BBS9: variants seen among roughly 807,000 people sequenced by gnomAD.
BBS9 encodes Bardet-Biedl syndrome 9, also known as protein PTHB1.
Under a neutral mutation model 117.7 loss-of-function variants are expected in BBS9, and 89 were observed. That is an observed-to-expected ratio of 0.76 (90% CI 0.64 to 0.90). The LOEUF is 0.90. Ranked by LOEUF, BBS9 falls within the 40% of genes least tolerant of loss-of-function variation. The probability of loss-of-function intolerance (pLI) is 0.00; values close to 1 mark genes in which losing one functional copy is unlikely to be tolerated. For missense variants in BBS9, 982 were observed against 1,042.2 expected, an observed-to-expected ratio of 0.94 and a Z score of 0.80; for synonymous variants, 379 against 370.9, an observed-to-expected ratio of 1.02 and a Z score of -0.25.
intron 20 of BBS9, among the ~76,000 whole-genome samples, chr7:33,530,023 C>A (rs1409617617): frequency 3.3e-5 from 5 of 152,310 alleles, no homozygotes; most frequent in Middle Eastern, 3.4e-3. Context: ...ACTTCTCACA[C>A]CTGAGATTCT....
At chr7:33,296,063 T>C (rs1253062617) in intron 9 of BBS9, among the ~76,000 whole-genome samples, 1 of 152,084 alleles carries the variant, frequency 6.6e-6, no homozygotes, top group Non-Finnish European at 1.5e-5. Context: ...CATGTAAAAA[T>C]TAAACCTACT....
intron 21 of BBS9, among the ~76,000 whole-genome samples, chr7:33,583,048 C>T (rs906124227): frequency 2.0e-5 from 3 of 152,086 alleles, no homozygotes; most frequent in Admixed American, 6.6e-5. Flanking sequence ...CAATTTGACC[C>T]GCATATGTCT....
At chr7:33,476,520 C>G in intron 19 of BBS9, among the ~76,000 whole-genome samples, 1 of 152,202 alleles carries the variant, frequency 6.6e-6, no homozygotes, top group African/African-American at 2.4e-5. Context: ...TCCTTGGCTC[C>G]AACCACCTTT....
chr7:33,227,186 G>T (rs1304467498), intron 5 of BBS9, among the ~76,000 whole-genome samples: 4 of 149,726 alleles, frequency 2.7e-5, no homozygotes, highest in African/African-American at 7.4e-5. Flanking sequence ...TTGAGACACA[G>T]TTTCACTCTG....
At chr7:33,199,100 C>G (rs1156846951) in intron 5 of BBS9, among the ~76,000 whole-genome samples, 1 of 151,904 alleles carries the variant, frequency 6.6e-6, no homozygotes, top group Non-Finnish European at 1.5e-5. Context: ...TGGTTCTTTT[C>G]TTTTTGAAAG....
chr7:33,292,263 T>C (rs1468406383), intron 9 of BBS9, among the ~76,000 whole-genome samples: 1 of 152,078 alleles, frequency 6.6e-6, no homozygotes, highest in Non-Finnish European at 1.5e-5. Context: ...GGCCTCCCTC[T>C]GTTGCTCAGG....
At chr7:33,219,294 G>A (rs925679388) in intron 5 of BBS9, among the ~76,000 whole-genome samples, 6 of 152,300 alleles carry the variant, frequency 3.9e-5, no homozygotes, top group Admixed American at 1.3e-4. Flanking sequence ...GAGCTTCCCC[G>A]GTGAGCGCCG....
chr7:33,504,405 AC>A (rs1197683570), intron 19 of BBS9, among the ~76,000 whole-genome samples: 1 of 152,006 alleles, frequency 6.6e-6, no homozygotes, highest in Non-Finnish European at 1.5e-5. Flanking sequence ...AATTTGGGAG[AC>A]CACACAGCTG....
intron 4 of BBS9, among the ~76,000 whole-genome samples, chr7:33,170,172 T>C (rs1796321270): frequency 6.6e-6 from 1 of 151,666 alleles, no homozygotes; most frequent in Non-Finnish European, 1.5e-5. Flanking sequence ...TAGACCAATA[T>C]ACTTGATGAA....
intron 9 of BBS9, among the ~76,000 whole-genome samples, chr7:33,302,891 T>C (rs1189155130): frequency 6.6e-6 from 1 of 152,244 alleles, no homozygotes; most frequent in African/African-American, 2.4e-5. Context: ...TTTAACAATA[T>C]TGATTCTTCC....
At chr7:33,353,238 C>T (rs1819000373) in intron 15 of BBS9, among the ~76,000 whole-genome samples, 1 of 152,094 alleles carries the variant, frequency 6.6e-6, no homozygotes, top group African/African-American at 2.4e-5. Context: ...AAGTGTTTGT[C>T]ACTGAATTCT....
At chr7:33,433,608 A>C (rs760690121) in intron 19 of BBS9, among the ~76,000 whole-genome samples, 9 of 152,178 alleles carry the variant, frequency 5.9e-5, no homozygotes, top group Non-Finnish European at 1.3e-4. Context: ...ATTAGTATTC[A>C]GTCTGAGAGA....
intron 5 of BBS9, among the ~76,000 whole-genome samples, chr7:33,240,363 T>A (rs969742616): frequency 2.0e-5 from 3 of 151,910 alleles, no homozygotes; most frequent in Admixed American, 6.6e-5. Flanking sequence ...GCTCAACTGA[T>A]CCTCGCACCT....
chr7:33,500,448 G>T (rs1452373717), intron 19 of BBS9, among the ~76,000 whole-genome samples: 1 of 152,204 alleles, frequency 6.6e-6, no homozygotes, highest in East Asian at 1.9e-4. Flanking sequence ...CCTTATTCAT[G>T]ACCACAGGCA....
chr7:33,608,380 T>G (rs1864693214), downstream of BBS9, among the ~76,000 whole-genome samples: 1 of 152,104 alleles, frequency 6.6e-6, no homozygotes, highest in East Asian at 1.9e-4. Flanking sequence ...GTAGAATTAT[T>G]TATTTTCTTT....
intron 19 of BBS9, among the ~76,000 whole-genome samples, chr7:33,424,459 T>C (rs1833344419): frequency 6.6e-6 from 1 of 152,174 alleles, no homozygotes; most frequent in Non-Finnish European, 1.5e-5. Context: ...CGAGAAGAGA[T>C]GTTTTTTTTA....
chr7:33,227,292 C>T (rs1791470960), intron 5 of BBS9, among the ~76,000 whole-genome samples: 1 of 151,594 alleles, frequency 6.6e-6, no homozygotes, highest in African/African-American at 2.4e-5. Flanking sequence ...GGATTACAGG[C>T]ACACGCCACC....
chr7:33,469,301 C>A (rs1429194728), intron 19 of BBS9, among the ~76,000 whole-genome samples: 1 of 152,130 alleles, frequency 6.6e-6, no homozygotes, highest in African/African-American at 2.4e-5. Flanking sequence ...GATGTCTTTT[C>A]CCCCTATCTA....
intron 5 of BBS9, among the ~76,000 whole-genome samples, chr7:33,195,320 A>T (rs553586781): frequency 6.6e-6 from 1 of 152,292 alleles, no homozygotes; most frequent in Admixed American, 6.5e-5. Context: ...TTTTTAGAAC[A>T]CGTTAGCTCA....
Sources: gnomAD v4.1 joint callset for allele counts (sites outside exome capture counted in the v4.1 genomes callset) on GRCh38, gnomAD v4.1.1 for gene constraint, MANE v1.5 for transcripts, NCBI Gene and HGNC (gene_info 2026-07-23, HGNC 2026-07-21) for gene names.